PHEX: variants seen among roughly 807,000 people sequenced by gnomAD.
PHEX encodes phosphate-regulating neutral endopeptidase PHEX.
Under a neutral mutation model 68.0 loss-of-function variants are expected in PHEX, and 16 were observed. The observed-to-expected ratio is 0.24, with a 90% CI of 0.16 to 0.36. The LOEUF (loss-of-function observed/expected upper bound fraction) is 0.36. Among genes scored for constraint, PHEX ranks in the 10% least tolerant of loss-of-function variants. The pLI is 1.00. For synonymous variants in PHEX, 208 were observed against 205.1 expected (o/e 1.01, Z -0.12); for missense variants, 480 against 575.5 (o/e 0.83, Z 1.70).
chrX:22,080,798 C>T (rs1170014156), intron 5 of PHEX, among the ~76,000 whole-genome samples: 1 of 111,434 alleles, frequency 9.0e-6, no homozygotes, highest in Non-Finnish European at 1.9e-5. Context: ...ATGTACTCAC[C>T]GAATATCCTC....
intron 3 of PHEX, among the ~76,000 whole-genome samples, chrX:22,050,676 C>A (rs763185469): frequency 9.1e-6 from 1 of 109,745 alleles, no homozygotes; most frequent in Non-Finnish European, 1.9e-5. Context: ...CCAGTATTTC[C>A]CCTGAAAACG....
intron 12 of PHEX, among the ~76,000 whole-genome samples, chrX:22,137,008 CA>C (rs1932261823): frequency 8.9e-6 from 1 of 111,973 alleles, no homozygotes; most frequent in African/African-American, 3.3e-5. Flanking sequence ...AAATAAGCAG[CA>C]AAGGACAGGG....
chrX:22,232,318 A>G (rs1445366124), intron 20 of PHEX, among the ~76,000 whole-genome samples: 5 of 110,832 alleles, frequency 4.5e-5, no homozygotes, highest in Non-Finnish European at 9.4e-5. Flanking sequence ...CAAGTTCTGG[A>G]TATCCTTGTT....
At chrX:22,064,057 A>G (rs1005135619) in intron 3 of PHEX, among the ~76,000 whole-genome samples, 24 of 112,761 alleles carry the variant, frequency 2.1e-4, no homozygotes, top group African/African-American at 7.4e-4. Flanking sequence ...AGAGTAAGCT[A>G]TTACATGACG....
intron 6 of PHEX, among the ~76,000 whole-genome samples, chrX:22,091,959 A>G (rs1418331975): frequency 9.0e-6 from 1 of 111,707 alleles, no homozygotes; most frequent in Non-Finnish European, 1.9e-5. Flanking sequence ...CCATGAGAAT[A>G]TGTGGGGGAA....
chrX:22,045,686 T>A (rs1927497590), intron 2 of PHEX, among the ~76,000 whole-genome samples: 1 of 112,045 alleles, frequency 8.9e-6, no homozygotes, highest in Non-Finnish European at 1.9e-5. Context: ...TAGACCTGGG[T>A]CCCTCATTTA....
intron 12 of PHEX, among the ~76,000 whole-genome samples, chrX:22,147,456 G>A (rs1160117495): frequency 9.0e-6 from 1 of 110,761 alleles, no homozygotes; most frequent in Non-Finnish European, 1.9e-5. Context: ...AGTTGTACAG[G>A]AATGTCATTT....
At chrX:22,043,578 G>C (rs1246374191) in intron 2 of PHEX, among the ~76,000 whole-genome samples, 2 of 111,618 alleles carry the variant, frequency 1.8e-5, no homozygotes, top group African/African-American at 6.5e-5. Context: ...AGTTTGTGAC[G>C]ATACCATATT....
At chrX:22,133,085 C>T (rs1932083129) in intron 11 of PHEX, among the ~76,000 whole-genome samples, 1 of 111,352 alleles carries the variant, frequency 9.0e-6, no homozygotes. Context: ...GGGGTTTTGC[C>T]ATGTTGCCCA....
intron 15 of PHEX, among the ~76,000 whole-genome samples, chrX:22,210,776 C>A (rs975093657): frequency 1.8e-5 from 2 of 110,857 alleles, no homozygotes; most frequent in East Asian, 5.6e-4. Context: ...TAGCTGGATC[C>A]ATCTCTGTTT....
intron 16 of PHEX, 102 bp downstream of exon 16, chrX:22,213,060 G>A (rs1489239079): frequency 2.1e-5 from 14 of 671,889 alleles, no homozygotes; most frequent in African/African-American, 4.3e-5. Flanking sequence ...TCAGCAGAAA[G>A]AAGCCATGGA....
At chrX:22,127,975 A>C (rs995498141) in intron 11 of PHEX, among the ~76,000 whole-genome samples, 4 of 112,022 alleles carry the variant, frequency 3.6e-5, no homozygotes, top group Non-Finnish European at 1.9e-5. Flanking sequence ...TCACTCTGGC[A>C]GTGGGCTGAA....
Position 22,113,006 on chromosome X carries a change from TG to T in PHEX, c.1173+1447del, listed in dbSNP as rs1382511742. Among the ~76,000 whole-genome samples the T allele has an allele frequency of 9.5e-4, 16 of 16,808 alleles. No individual in the cohort carries two copies. The African/African-American group carries it at 0.02, about 21-fold the overall frequency. 14.6% of individuals were successfully genotyped at this position (16,808 alleles called of 115,157 possible). ...GTTAAGATACAAAACAAGTAGGTTT[TG>T]TGTGTGTGTGTGTGTGTGTGTGTGT... On this transcript the variant is annotated intron_variant, in intron 10 of 21. Coordinates refer to ENST00000379374, the MANE Select transcript of PHEX (RefSeq NM_000444.6).
chrX:22,118,822 C>T (rs1459232861), intron 11 of PHEX, among the ~76,000 whole-genome samples: 5 of 111,929 alleles, frequency 4.5e-5, no homozygotes. Context: ...GATACACCAA[C>T]GTTCTCATAC....
intron 18 of PHEX, among the ~76,000 whole-genome samples, chrX:22,225,812 T>C (rs1935475369): frequency 8.9e-6 from 1 of 112,509 alleles, no homozygotes; most frequent in South Asian, 3.6e-4. Flanking sequence ...ATTTGTGTCC[T>C]AGCTCATTTA....
chrX:22,236,422 G>C (rs192208278), intron 20 of PHEX, among the ~76,000 whole-genome samples: 1 of 112,367 alleles, frequency 8.9e-6, no homozygotes, highest in African/African-American at 3.2e-5. Flanking sequence ...AAAGATGCTG[G>C]GTATATTGAA....
chrX:22,208,137 A>G (rs2147157312), intron 15 of PHEX, among the ~76,000 whole-genome samples: 1 of 107,356 alleles, frequency 9.3e-6, no homozygotes, highest in Admixed American at 1.0e-4. Context: ...ATCAAAAGGT[A>G]AAACATTACG....
chrX:22,057,536 A>G, intron 3 of PHEX, among the ~76,000 whole-genome samples: 1 of 110,773 alleles, frequency 9.0e-6, no homozygotes, highest in Non-Finnish European at 1.9e-5. Flanking sequence ...GGTTGCAGTG[A>G]GCCAAGACTG....
chrX:22,125,568 G>T (rs190758797), intron 11 of PHEX, among the ~76,000 whole-genome samples: 47 of 109,801 alleles, frequency 4.3e-4, no homozygotes, highest in Middle Eastern at 4.6e-3. Context: ...CAAGCTGTTT[G>T]TCATGTACCA....
Sources: gnomAD v4.1 joint callset for allele counts (sites outside exome capture counted in the v4.1 genomes callset) on GRCh38, gnomAD v4.1.1 for gene constraint, MANE v1.5 for transcripts, NCBI Gene and HGNC (gene_info 2026-07-23, HGNC 2026-07-21) for gene names.